The following HTR1F variants were observed in gnomAD, a reference collection of about 807,000 sequenced individuals.
The protein encoded by HTR1F is 5-hydroxytryptamine receptor 1F, also known as 5-hydroxytryptamine (serotonin) receptor 1F, G protein-coupled.
HTR1F carries 17 observed loss-of-function variants against 24.0 expected under a neutral mutation model. That is an observed-to-expected ratio of 0.71 (90% CI 0.48 to 1.06). The LOEUF is 1.06. Ranked by LOEUF, HTR1F falls within the 50% of genes least tolerant of loss-of-function variation. HTR1F has a pLI of 0.00. For missense variants in HTR1F, 391 were observed against 427.8 expected, an observed-to-expected ratio of 0.91 and a Z score of 0.76; for synonymous variants, 186 against 156.8, an observed-to-expected ratio of 1.19 and a Z score of -1.39.
chr3:87,897,493 C>T lies in HTR1F; in HGVS notation c.-43+75369C>T, dbSNP rs1380066885. The stretch of plus-strand genomic sequence containing the variant: ...TTTGTTTGAAAATAAAAACCAAAAA[C>T]CATTTTTAATTTCTTAATGGATATA... On this transcript the variant is annotated intron_variant, in intron 2 of 2. Transcript: ENST00000319595. Among the ~76,000 whole-genome samples, 4 of 152,084 alleles carry T rather than the reference C, an allele frequency of 2.6e-5. No individual in the cohort carries two copies. The South Asian group carries it at 8.3e-4, about 32-fold the overall frequency.
chr3:87,798,428 G>C (rs1456048846), intron 1 of HTR1F, among the ~76,000 whole-genome samples: 1 of 151,896 alleles, frequency 6.6e-6, no homozygotes, highest in African/African-American at 2.4e-5. Flanking sequence ...TGCAACTTGA[G>C]CCTCTTCTGT....
intron 1 of HTR1F, among the ~76,000 whole-genome samples, chr3:87,806,537 C>A (rs1002541155): frequency 6.6e-6 from 1 of 151,824 alleles, no homozygotes; most frequent in African/African-American, 2.4e-5. Flanking sequence ...TTGAGTTCAT[C>A]GTATATTCTA....
chr3:87,853,498 C>A (rs1200481455), intron 2 of HTR1F, among the ~76,000 whole-genome samples: 1 of 152,060 alleles, frequency 6.6e-6, no homozygotes, highest in Non-Finnish European at 1.5e-5. Flanking sequence ...GATTCCATGT[C>A]ATTGCTATTG....
At chr3:87,978,890 G>GAGGAAGGAAGGAAGGAAGGA (rs1184108024) in intron 2 of HTR1F, among the ~76,000 whole-genome samples, 1 of 46,186 alleles carries the variant, frequency 2.2e-5, no homozygotes, top group African/African-American at 8.2e-5. Context: ...GGGAGGGAGG[G>GAGGAAGGAAGGAAGGAAGGA]AGGAAGGAAG....
intron 2 of HTR1F, among the ~76,000 whole-genome samples, chr3:87,987,759 T>A (rs902099276): frequency 4.6e-5 from 6 of 131,394 alleles, no homozygotes; most frequent in East Asian, 2.0e-4. Context: ...ATATGTATTA[T>A]ATATATGTAT....
chr3:87,872,769 C>T (rs1451403223), intron 2 of HTR1F, among the ~76,000 whole-genome samples: 1 of 151,802 alleles, frequency 6.6e-6, no homozygotes, highest in Non-Finnish European at 1.5e-5. Context: ...TTGAATAGAC[C>T]TATGATTATT....
intron 1 of HTR1F, among the ~76,000 whole-genome samples, chr3:87,816,867 G>T (rs868517069): frequency 1.3e-5 from 2 of 151,918 alleles, no homozygotes; most frequent in African/African-American, 2.4e-5. Flanking sequence ...TACCATCTTG[G>T]TCAAGTCTCT....
chr3:87,809,424 T>A (rs1488263415), intron 1 of HTR1F, among the ~76,000 whole-genome samples: 3 of 152,004 alleles, frequency 2.0e-5, no homozygotes, highest in Admixed American at 2.0e-4. Context: ...TGTGTTTAAA[T>A]ATTTTCAGTT....
chr3:87,801,053 C>T (rs1484970721), intron 1 of HTR1F, among the ~76,000 whole-genome samples: 1 of 152,136 alleles, frequency 6.6e-6, no homozygotes, highest in African/African-American at 2.4e-5. Context: ...ATAGTTATTT[C>T]TATTCTTTTT....
chr3:87,866,721 A>G (rs1705434160), intron 2 of HTR1F, among the ~76,000 whole-genome samples: 1 of 151,906 alleles, frequency 6.6e-6, no homozygotes, highest in South Asian at 2.1e-4. Flanking sequence ...TCTTACAGTT[A>G]TTGACTACAG....
At chr3:87,843,067 A>G (rs1704844594) in intron 2 of HTR1F, among the ~76,000 whole-genome samples, 1 of 151,910 alleles carries the variant, frequency 6.6e-6, no homozygotes, top group Admixed American at 6.6e-5. Flanking sequence ...GGACCCATGC[A>G]ATTGAAGCCG....
At chr3:87,869,109 A>G (rs980293002) in intron 2 of HTR1F, among the ~76,000 whole-genome samples, 1 of 152,074 alleles carries the variant, frequency 6.6e-6, no homozygotes, top group Non-Finnish European at 1.5e-5. Flanking sequence ...CTTTATTGTT[A>G]TCACAACCTA....
chr3:87,881,054 G>C (rs1705783494), intron 2 of HTR1F, among the ~76,000 whole-genome samples: 1 of 152,114 alleles, frequency 6.6e-6, no homozygotes, highest in Non-Finnish European at 1.5e-5. Context: ...TTAGGTACTG[G>C]GTTCATCTCA....
chr3:87,967,545 C>T (rs1705192875), intron 2 of HTR1F, among the ~76,000 whole-genome samples: 1 of 150,698 alleles, frequency 6.6e-6, no homozygotes, highest in Non-Finnish European at 1.5e-5. Context: ...CCATAATTCC[C>T]ACGTGTCATT....
chr3:87,886,596 C>A (rs144856723), intron 2 of HTR1F, among the ~76,000 whole-genome samples: 83 of 152,254 alleles, frequency 5.5e-4, no homozygotes, highest in Non-Finnish European at 8.2e-4. Flanking sequence ...AAAGCCCCAT[C>A]GTCTCAGCCC....
At chr3:87,871,713 G>T (rs1439083464) in intron 2 of HTR1F, among the ~76,000 whole-genome samples, 1 of 152,090 alleles carries the variant, frequency 6.6e-6, no homozygotes, top group African/African-American at 2.4e-5. Flanking sequence ...GATTATCAGT[G>T]ACTTATTCAG....
chr3:87,864,951 C>A (rs1705394719), intron 2 of HTR1F, among the ~76,000 whole-genome samples: 1 of 151,360 alleles, frequency 6.6e-6, no homozygotes, highest in African/African-American at 2.4e-5. Context: ...CTGGAAAACT[C>A]ATTTAGCATA....
chr3:87,981,357 G>T (rs1315063246), intron 2 of HTR1F, among the ~76,000 whole-genome samples: 8 of 152,026 alleles, frequency 5.3e-5, no homozygotes, highest in Non-Finnish European at 1.0e-4. Flanking sequence ...GCCATACCCG[G>T]CTAATTTTTT....
At chr3:87,819,975 T>C (rs1287331004) in intron 1 of HTR1F, among the ~76,000 whole-genome samples, 2 of 152,080 alleles carry the variant, frequency 1.3e-5, no homozygotes, top group Non-Finnish European at 2.9e-5. Flanking sequence ...TATATATAAG[T>C]TAATTCTTAA....
Sources: allele counts gnomAD v4.1 joint callset (sites outside exome capture counted in the v4.1 genomes callset), GRCh38; gene constraint gnomAD v4.1.1; transcripts MANE v1.5; gene names NCBI Gene and HGNC (gene_info 2026-07-23, HGNC 2026-07-21).